The following MUC12 variants were observed in gnomAD, a reference collection of about 807,000 sequenced individuals.
MUC12 encodes the protein mucin-12.
A neutral mutation model predicts 230.8 loss-of-function variants in MUC12; 172 were observed. The observed-to-expected ratio is 0.75, with a 90% CI of 0.66 to 0.85. The LOEUF (loss-of-function observed/expected upper bound fraction) is 0.85. MUC12 is among the 40% of genes least tolerant of loss of function. The pLI, the probability that MUC12 is intolerant of heterozygous loss-of-function variation, is 0.00. For synonymous variants in MUC12, 1,259 were observed against 2,401.9 expected, an observed-to-expected ratio of 0.52 and a Z score of 13.91; for missense variants, 3,506 against 5,920.6, an observed-to-expected ratio of 0.59 and a Z score of 13.38.
intron 1 of MUC12, among the ~76,000 whole-genome samples, chr7:100,973,337 G>C (rs965838454): frequency 1.3e-5 from 2 of 149,666 alleles, no homozygotes; most frequent in Non-Finnish European, 1.5e-5. Context: ...GATGACAAAG[G>C]TCTCCAGTTG....
chr7:101,013,246 G>A, intron 8 of MUC12, 104 bp downstream of exon 8: 2 of 1,331,820 alleles, frequency 1.5e-6, no homozygotes, highest in East Asian at 2.5e-5. Context: ...GAGCTTGGGA[G>A]GTGCCTCCTC....
Position 100,993,588 on chromosome 7 carries a change from A to T in MUC12, c.3025A>T (p.Ser1009Cys). The change falls in exon 2 of 12, where the codon AGC becomes TGC. Residue 1009 changes from serine (S) to cysteine (C), a missense_variant. Transcript: ENST00000536621. Reference protein sequence around the residue: ...ASTHTTPSPPSTATAPVEEST... With the variant: ...ASTHTTPSPPCTATAPVEEST... ...AACTCACACAACGCCTTCACCTCCTAGCACCGCAACAGCCCCTGTTGAAGA... is the reference window on the plus strand; with the variant it reads ...AACTCACACAACGCCTTCACCTCCTTGCACCGCAACAGCCCCTGTTGAAGA... 1.1e-6 allele frequency: 1 copy of T among 923,230 alleles called. No individual in the cohort carries two copies. The highest frequency in any genetic ancestry group is 3.9e-5 in the East Asian group (1 of 25,394). The allele number at this position is 923,230 out of a possible 1,614,324, so 57.2% of individuals were successfully genotyped here.
intron 2 of MUC12, 58 bp downstream of exon 2, chr7:101,005,577 C>T: frequency 6.8e-7 from 1 of 1,463,194 alleles, no homozygotes; most frequent in Non-Finnish European, 9.1e-7. Flanking sequence ...GTCCATGAGT[C>T]TTCTTCATCC....
At position 100,993,593 on chromosome 7, in the gene MUC12, C is replaced by T. The variant is rs1310860160; in HGVS notation, c.3030C>T (p.Thr1010=). Residue 1010 remains threonine, a synonymous_variant, in exon 2 of 12, where the codon ACC becomes ACT. Coordinates refer to ENST00000536621, the MANE Select transcript of MUC12 (RefSeq NM_001164462.2). ...ACACAACGCCTTCACCTCCTAGCAC[C>T]GCAACAGCCCCTGTTGAAGAATCTA... The part of the protein sequence containing the change: ...STHTTPSPPS[T]ATAPVEESTT... The T allele has an allele frequency of 1.2e-4, 110 of 925,262 alleles. 38 individuals are homozygous for T. The highest frequency in any genetic ancestry group is 2.0e-4 in the Admixed American group (8 of 40,234). The allele number at this position is 925,262 out of a possible 1,614,324, so 57.3% of individuals were successfully genotyped here.
At chr7:101,006,728 C>A (rs949994267) in intron 3 of MUC12, among the ~76,000 whole-genome samples, 156 bp downstream of exon 3, 2 of 152,084 alleles carry the variant, frequency 1.3e-5, no homozygotes, top group Non-Finnish European at 2.9e-5. Flanking sequence ...AACCTTCTAC[C>A]TTTGCCTTCA....
Position 101,005,448 on chromosome 7 carries a change from C to G in MUC12, c.14885C>G (p.Thr4962Ser). ...SSTSGLTEES[T>S]TFHTSPSFTS... Reference sequence around the variant, plus strand: ...ACATCAGGCCTCACTGAGGAATCTACCACCTTCCACACCAGTCCAAGCTTC... The same window carrying G: ...ACATCAGGCCTCACTGAGGAATCTAGCACCTTCCACACCAGTCCAAGCTTC... Residue 4962 changes from threonine to serine, a missense_variant, in exon 2 of 12, where the codon ACC becomes AGC. Thr to Ser is a moderately conservative substitution (Grantham distance 58). Coordinates refer to ENST00000536621, the MANE Select transcript of MUC12 (RefSeq NM_001164462.2). 6.5e-7 allele frequency: 1 copy of G among 1,537,846 alleles called. No individual in the cohort carries two copies.
At chr7:101,008,574 A>G (rs12532750) in intron 3 of MUC12, 60 bp from the exon 4 acceptor site, 773,979 of 1,510,948 alleles carry the variant, frequency 0.51, 199,766 homozygotes, top group East Asian at 0.6. Context: ...GAATGTATCA[A>G]TCCTGGGGGA....
At chr7:100,981,439 T>C (rs1481494056) in intron 1 of MUC12, 1 of 576,586 alleles carries the variant, frequency 1.7e-6, no homozygotes, top group South Asian at 2.1e-5. Context: ...AGCCGAGGGC[T>C]TTAGCCTGGG....
chr7:101,008,953 G>C lies in MUC12; in HGVS notation c.15187-142G>C, dbSNP rs1348352354. The C allele has an allele frequency of 3.2e-6, 4 of 1,242,560 alleles. No homozygotes were observed. The African/African-American group carries it at 6.0e-5, about 19-fold the overall frequency. 77.0% of individuals were successfully genotyped at this position (1,242,560 alleles called of 1,614,324 possible). On this transcript the variant is annotated intron_variant, in intron 4 of 11. Transcript: ENST00000536621. ...CCCACATGACCCACATTATGGCAGA[G>C]GGAGCTTCCTGGGTTGGTGGTTCCT...
At chr7:100,983,985 C>T (rs1193063405) in intron 1 of MUC12, among the ~76,000 whole-genome samples, 2 of 152,150 alleles carry the variant, frequency 1.3e-5, no homozygotes, top group Non-Finnish European at 1.5e-5. Context: ...CTGCATTGAG[C>T]CCTGCCCTGC....
In MUC12 at chr7:100,970,541, G is replaced by GA. The variant is rs373817847; in HGVS notation, c.67+860dup. 7.7e-5 allele frequency among the ~76,000 whole-genome samples: 11 copies of GA among 142,464 alleles called. No homozygotes were observed. The East Asian group carries it at 2.2e-3, about 29-fold the overall frequency. The allele number at this position is 142,464 out of a possible 152,430, so 93.5% of individuals were successfully genotyped here. A position where few individuals can be genotyped will look rare whatever the true frequency, so the allele number is the denominator to read the frequency against. On this transcript the variant is annotated intron_variant, in intron 1 of 11. Transcript: ENST00000536621. ...AGAAATAAAGAAAGAAGGAAGGAAA[G>GA]AAAAAAAAGAAAGGAAGAAAGAAAG...
rs1793904166 is a variant in MUC12, at chr7:101,015,617, A to G, written c.15803A>G (p.Glu5268Gly). 20 of 1,537,604 alleles carry G rather than the reference A, an allele frequency of 1.3e-5. No individual in the cohort carries two copies. The highest frequency in any genetic ancestry group is 1.7e-5 in the Non-Finnish European group (20 of 1,146,962). ...FSLSQRKRHR[E>G]QYDVPQEWRK... Reference sequence around the variant, plus strand: ...GCTCAAGGCATTTCTGTCTGCAGGGAACAGTATGATGTGCCTCAAGAGTGG... The same window carrying G: ...GCTCAAGGCATTTCTGTCTGCAGGGGACAGTATGATGTGCCTCAAGAGTGG... Residue 5268 changes from glutamate (E) to glycine (G), a missense_variant and splice_region_variant, in exon 10 of 12, where the codon GAA becomes GGA. Transcript: ENST00000536621.
chr7:101,008,451 A>T (rs2116351078), intron 3 of MUC12, among the ~76,000 whole-genome samples, 183 bp from the exon 4 acceptor site: 1 of 152,192 alleles, frequency 6.6e-6, no homozygotes, highest in South Asian at 2.1e-4. Context: ...TTCTGTACTT[A>T]GTTCTGTCCC....
rs965832514 is a variant in MUC12 at position 101,012,965 on chromosome 7, G to A, written c.15476-15G>A. On this transcript the variant is annotated splice_polypyrimidine_tract_variant and intron_variant, in intron 7 of 11. Transcript: ENST00000536621. The stretch of plus-strand genomic sequence containing the variant: ...TTGGCCAGGCTCATGCATGCTGCCC[G>A]CCCCTCTCCCTCAGAGCAATGCACC... 100 of 1,537,080 alleles carry A rather than the reference G, an allele frequency of 6.5e-5. No homozygotes were observed. The highest frequency in any genetic ancestry group is 7.5e-5 in the Non-Finnish European group (86 of 1,146,930).
Position 100,993,555 on chromosome 7 carries a change from C to T in MUC12, c.2992C>T (p.Pro998Ser), listed in dbSNP as rs1273145412. The part of the protein sequence containing the change: ...QGESTAFQTH[P>S]ASTHTTPSPP... ...AGAATCTACTGCCTTCCAGACCCAC[C>T]CAGCCTCAACTCACACAACGCCTTC... The change falls in exon 2 of 12, where the codon CCA becomes TCA. Residue 998 changes from proline (P) to serine (S), a missense_variant. Pro to Ser is a moderately conservative substitution (Grantham distance 74). Coordinates refer to ENST00000536621, the MANE Select transcript of MUC12 (RefSeq NM_001164462.2). The T allele has an allele frequency of 1.2e-5, 12 of 1,001,666 alleles. 4 individuals are homozygous for T. The South Asian group carries it at 1.7e-4, about 14-fold the overall frequency. The allele number at this position is 1,001,666 out of a possible 1,614,324, so 62.0% of individuals were successfully genotyped here.
At position 100,999,185 on chromosome 7, in the gene MUC12, A is replaced by C. The variant is rs765698701; in HGVS notation, c.8622A>C (p.Thr2874=). ...PDATLSPATT[T]SSGVSEESST... The stretch of plus-strand genomic sequence containing the variant: ...CAACACTCTCACCTGCAACCACAAC[A>C]AGCTCAGGCGTCAGTGAAGAATCCA... The change falls in exon 2 of 12, where the codon ACA becomes ACC. Residue 2874 remains threonine, a synonymous_variant. Coordinates refer to ENST00000536621, the MANE Select transcript of MUC12 (RefSeq NM_001164462.2). 37 of 1,074,238 alleles carry C rather than the reference A, an allele frequency of 3.4e-5. No individual in the cohort carries two copies. In the African/African-American group the frequency reaches 6.0e-4, roughly 17 times the overall value. The allele number at this position is 1,074,238 out of a possible 1,614,324, so 66.5% of individuals were successfully genotyped here. A position where few individuals can be genotyped will look rare whatever the true frequency, so the allele number is the denominator to read the frequency against.
intron 2 of MUC12, among the ~76,000 whole-genome samples, chr7:101,006,033 A>G (rs2116346883): frequency 6.6e-6 from 1 of 152,076 alleles, no homozygotes; most frequent in Admixed American, 6.5e-5. Context: ...CCTGACCTCA[A>G]GTGATCCACC....
At chr7:101,012,084 CATTT>C (rs1235572230) in intron 5 of MUC12, among the ~76,000 whole-genome samples, 9 of 152,172 alleles carry the variant, frequency 5.9e-5, no homozygotes, top group Admixed American at 2.0e-4. Flanking sequence ...CACTCATTGG[CATTT>C]ATCATGATCA....
At chr7:101,008,600 G>A (rs764316173) in intron 3 of MUC12, 34 bp from the exon 4 acceptor site, 22 of 1,528,202 alleles carry the variant, frequency 1.4e-5, no homozygotes, top group Non-Finnish European at 1.8e-5. Context: ...TTGGGAGGTC[G>A]CTGTCTCACG....
Sources: allele counts gnomAD v4.1 joint callset (sites outside exome capture counted in the v4.1 genomes callset), GRCh38; gene constraint gnomAD v4.1.1; transcripts MANE v1.5; gene names NCBI Gene and HGNC (gene_info 2026-07-23, HGNC 2026-07-21).